BRCA2: variants seen among roughly 807,000 people sequenced by gnomAD.
The protein encoded by BRCA2 is BRCA2 DNA repair associated.
BRCA2 carries 203 observed loss-of-function variants against 276.7 expected under a neutral mutation model. That is an observed-to-expected ratio of 0.73 (90% CI 0.65 to 0.82). The LOEUF (loss-of-function observed/expected upper bound fraction) is 0.82, where lower values mean the gene tolerates loss of function less well. Among genes scored for constraint, BRCA2 ranks in the 40% least tolerant of loss-of-function variants. The pLI, the probability that BRCA2 is intolerant of heterozygous loss-of-function variation, is 0.00. For synonymous variants in BRCA2, 1,289 were observed against 1,338.4 expected (o/e 0.96, Z 0.81); for missense variants, 3,920 against 3,915.0 (o/e 1.00, Z -0.03).
Position 32,398,600 on chromosome 13 carries a change from A to G in BRCA2, c.10087A>G (p.Ile3363Val), listed in dbSNP as rs55881945. The change falls in exon 27 of 27, where the codon ATA becomes GTA. Residue 3363 changes from isoleucine (I) to valine (V), a missense_variant. By Grantham distance (29) the Ile-to-Val change is conservative (BLOSUM62 3). Coordinates refer to ENST00000380152, the MANE Select transcript of BRCA2 (RefSeq NM_000059.4). The stretch of plus-strand genomic sequence containing the variant: ...TGGTTCAACAGGAGAAAAACAATTT[A>G]TATCTGTCAGTGAATCCACTAGGAC... Reference protein sequence around the residue: ...LSGSTGEKQFISVSESTRTAP... With the variant: ...LSGSTGEKQFVSVSESTRTAP... 21 of 1,614,088 alleles carry G rather than the reference A, an allele frequency of 1.3e-5. No homozygotes were observed. The African/African-American group carries it at 2.5e-4, about 19-fold the overall frequency.
chr13:32,318,436 T>G (rs1348265368), intron 2 of BRCA2, among the ~76,000 whole-genome samples: 1 of 151,562 alleles, frequency 6.6e-6, no homozygotes. Flanking sequence ...ATCTGTGGAA[T>G]GTATTTTTTT....
intron 9 of BRCA2, among the ~76,000 whole-genome samples, chr13:32,332,048 T>A (rs890483565): frequency 6.6e-6 from 1 of 152,146 alleles, no homozygotes; most frequent in Non-Finnish European, 1.5e-5. Flanking sequence ...AATAAAAGGC[T>A]TTAGGTTCAT....
chr13:32,390,125 A>G (rs901464946), intron 24 of BRCA2, among the ~76,000 whole-genome samples: 1 of 152,208 alleles, frequency 6.6e-6, no homozygotes, highest in African/African-American at 2.4e-5. Context: ...GAAAGTTTCA[A>G]GGAGCCACCT....
In BRCA2 at chr13:32,398,916, G is replaced by T. The variant is rs970865582; in HGVS notation, c.*146G>T. ...AAATTTACCTCAGCGTTTGTGTATC[G>T]GGCAAAAATCGTTTTGCCCGATTCC... is the stretch of plus-strand genomic sequence containing the variant. On this transcript the variant is annotated 3_prime_UTR_variant, in exon 27 of 27. Transcript: ENST00000380152. 9.0e-7 allele frequency: 1 copy of T among 1,109,478 alleles called. No individual in the cohort carries two copies. The allele number at this position is 1,109,478 out of a possible 1,614,324, so 68.7% of individuals were successfully genotyped here. A position where few individuals can be genotyped will look rare whatever the true frequency, so the allele number is the denominator to read the frequency against.
In BRCA2 at chr13:32,343,048, GA is replaced by G. The variant is rs398022213; in HGVS notation, c.6842-1496del. On this transcript the variant is annotated intron_variant, in intron 11 of 26. Coordinates refer to ENST00000380152, the MANE Select transcript of BRCA2 (RefSeq NM_000059.4). Reference sequence around the variant, plus strand: ...TGGGCGACAGAGCAAGACTCCATCTGAAAAAAAAAAAAAATCTTATGGGACC... The same window carrying G: ...TGGGCGACAGAGCAAGACTCCATCTGAAAAAAAAAAAAATCTTATGGGACC... Among the ~76,000 whole-genome samples the G allele has an allele frequency of 0.22, 31,454 of 142,048 alleles. 3,446 individuals carry two copies. The highest frequency in any genetic ancestry group is 0.28 in the African/African-American group (10,930 of 38,740). 93.2% of individuals were successfully genotyped at this position (142,048 alleles called of 152,430 possible).
At chr13:32,397,967 A>G (rs2073047366) in intron 26 of BRCA2, among the ~76,000 whole-genome samples, 195 bp from the exon 27 acceptor site, 2 of 152,084 alleles carry the variant, frequency 1.3e-5, no homozygotes, top group East Asian at 1.9e-4. Context: ...GTCATTTTAT[A>G]TGTTCTTATG....
chr13:32,356,000 A>C (rs1196738241), intron 14 of BRCA2, among the ~76,000 whole-genome samples: 1 of 151,846 alleles, frequency 6.6e-6, no homozygotes, highest in East Asian at 1.9e-4. Flanking sequence ...AGAGCATGTA[A>C]ACTTCGAGGA....
rs397507297 is a variant in BRCA2 at position 32,337,292 on chromosome 13, A to G, written c.2937A>G (p.Ile979Met). 1 of 1,612,620 alleles carries G rather than the reference A, an allele frequency of 6.2e-7. No individual in the cohort carries two copies. The change falls in exon 11 of 27, where the codon ATA becomes ATG. Residue 979 changes from isoleucine (I) to methionine (M), a missense_variant. Around this residue, in one of 2 missense-constraint regions of BRCA2, gnomAD observed 3,263 missense variants for 3,156.9 expected, o/e 1.03. Coordinates refer to ENST00000380152, the MANE Select transcript of BRCA2 (RefSeq NM_000059.4). ...TAAAATCGGACATCTCCTTGAATAT[A>G]GATAAAATACCAGAAAAAAATAATG... ...QDLKSDISLN[I>M]DKIPEKNNDY...
intron 20 of BRCA2, 134 bp from the exon 21 acceptor site, chr13:32,376,531 AAAAAG>A (rs1219028165): frequency 3.9e-6 from 4 of 1,016,398 alleles, no homozygotes; most frequent in Non-Finnish European, 5.7e-6. Context: ...CAAAAAAAAA[AAAAAG>A]AAAAAACTTT....
intron 24 of BRCA2, among the ~76,000 whole-genome samples, chr13:32,383,649 A>T (rs2072940481): frequency 6.6e-6 from 1 of 152,222 alleles, no homozygotes; most frequent in African/African-American, 2.4e-5. Context: ...TATATGCAAA[A>T]GGAGGATTTA....
intron 6 of BRCA2, 29 bp from the exon 7 acceptor site, chr13:32,326,469 TA>T: frequency 6.5e-7 from 1 of 1,536,368 alleles, no homozygotes; most frequent in Non-Finnish European, 9.0e-7. Flanking sequence ...GGCATTTCTA[TA>T]AAAAATAAAC....
At chr13:32,394,608 ATATT>A (rs1179869164) in intron 24 of BRCA2, 77 bp from the exon 25 acceptor site, 1 of 1,490,036 alleles carries the variant, frequency 6.7e-7, no homozygotes, top group African/African-American at 1.4e-5. Context: ...ATAAATAGGC[ATATT>A]AGAGTTTCCT....
intron 13 of BRCA2, among the ~76,000 whole-genome samples, chr13:32,349,722 G>A (rs183217475): frequency 1.9e-4 from 29 of 151,410 alleles, no homozygotes; most frequent in African/African-American, 6.5e-4. Context: ...GGCTGAGGTG[G>A]GAGAACTGCT....
Position 32,370,552 on chromosome 13 carries a change from A to T in BRCA2, c.8482A>T (p.Ile2828Leu), listed in dbSNP as rs80359098. ...VDVIIQRAYP[I>L]QWMEKTSSGL... ...TGTAATTATTCAAAGAGCATACCCT[A>T]TACAGGTATGATGTATTCTTGAAAC... The change falls in exon 19 of 27, where the codon ATA becomes TTA. Residue 2828 changes from isoleucine (I) to leucine (L), a missense_variant. By Grantham distance (5) the Ile-to-Leu change is conservative (BLOSUM62 2). This residue lies in a region of BRCA2 where 657 missense variants were observed against 758.2 expected (regional missense o/e 0.87). Coordinates refer to ENST00000380152, the MANE Select transcript of BRCA2 (RefSeq NM_000059.4). 6.2e-7 allele frequency: 1 copy of T among 1,610,062 alleles called. No homozygotes were observed. The highest frequency in any genetic ancestry group is 8.5e-7 in the Non-Finnish European group (1 of 1,176,338).
At chr13:32,317,697 T>C (rs2072273884) in intron 2 of BRCA2, among the ~76,000 whole-genome samples, 1 of 152,222 alleles carries the variant, frequency 6.6e-6, no homozygotes. Context: ...TCTTTTAAGA[T>C]TGGGTAGAAA....
chr13:32,339,256 T>C lies in BRCA2; in HGVS notation c.4901T>C (p.Phe1634Ser), dbSNP rs80358715. ...AATCTCAAAACATCAAAAAGTATCT[T>C]TTTGAAAGTTAAAGTACATGAAAAT... ...TENLKTSKSI[F>S]LKVKVHENVE... The change falls in exon 11 of 27, where the codon TTT (phenylalanine) becomes TCT (serine). Residue 1634 changes from phenylalanine (F) to serine (S), a missense_variant. Around this residue, in one of 2 missense-constraint regions of BRCA2, gnomAD observed 3,263 missense variants for 3,156.9 expected, o/e 1.03. Transcript: ENST00000380152. The C allele has an allele frequency of 6.8e-6, 11 of 1,612,690 alleles. No individual in the cohort carries two copies. The highest frequency in any genetic ancestry group is 1.3e-5 in the African/African-American group (1 of 74,788).
intron 3 of BRCA2, among the ~76,000 whole-genome samples, chr13:32,324,672 T>C (rs1593885594): frequency 6.6e-6 from 1 of 152,200 alleles, no homozygotes; most frequent in Non-Finnish European, 1.5e-5. Context: ...AAGATGTTGC[T>C]CTTTTCCCAG....
At chr13:32,359,177 G>T (rs377501563) in intron 16 of BRCA2, among the ~76,000 whole-genome samples, 23 of 129,084 alleles carry the variant, frequency 1.8e-4, no homozygotes, top group African/African-American at 5.7e-4. Context: ...AGCCAAAATT[G>T]CACCACTGCA....
chr13:32,316,350 C>A, intron 1 of BRCA2, 72 bp from the exon 2 acceptor site: 1 of 973,344 alleles, frequency 1.0e-6, no homozygotes, highest in Non-Finnish European at 1.6e-6. Flanking sequence ...TCCAGCGCTT[C>A]TGAGTTTTAC....
Sources: gnomAD v4.1 joint callset for allele counts (sites outside exome capture counted in the v4.1 genomes callset) on GRCh38, gnomAD v4.1.1 for gene constraint, gnomAD v4.1.1 regional missense constraint, MANE v1.5 for transcripts, NCBI Gene and HGNC (gene_info 2026-07-23, HGNC 2026-07-21) for gene names.